Variants in WASHC2C observed in about 807,000 individuals in gnomAD.
WASHC2C encodes the protein Vaccinia Penetration Factor.
Under a neutral mutation model 142.2 loss-of-function variants are expected in WASHC2C, and 73 were observed. That is an observed-to-expected ratio of 0.51 (90% confidence interval 0.43 to 0.62). WASHC2C has a LOEUF of 0.62. WASHC2C is among the 20% of genes least tolerant of loss of function. WASHC2C has a pLI of 0.00. For synonymous variants in WASHC2C, 337 were observed against 565.5 expected (o/e 0.60, Z 5.73); for missense variants, 969 against 1,531.7 (o/e 0.63, Z 6.13).
At chr10:45,727,745 G>T (rs1412997218) in intron 2 of WASHC2C, among the ~76,000 whole-genome samples, 1 of 152,116 alleles carries the variant, frequency 6.6e-6, no homozygotes. Flanking sequence ...TGGCCCAGAC[G>T]CGACGTTCCC....
chr10:45,763,764 T>C (rs1299903685), intron 18 of WASHC2C, among the ~76,000 whole-genome samples: 1 of 150,750 alleles, frequency 6.6e-6, no homozygotes. Flanking sequence ...CAGGCTGGAG[T>C]GCAGTGATGC....
intron 20 of WASHC2C, among the ~76,000 whole-genome samples, chr10:45,771,173 T>G (rs2056544473): frequency 6.6e-6 from 1 of 151,886 alleles, no homozygotes; most frequent in Non-Finnish European, 1.5e-5. Context: ...AAGAACAGCC[T>G]GACCAACATG....
chr10:45,743,459 G>A lies in WASHC2C; in HGVS notation c.598G>A (p.Gly200Ser). Residue 200 changes from glycine to serine, a missense_variant, in exon 6 of 31, where the codon GGT (glycine) becomes AGT (serine). Physicochemically the swap from Gly to Ser is moderately conservative, Grantham distance 56 (BLOSUM62 0). Transcript: ENST00000623400. ...GCTGTTCATGGAACAAGAAGATGTA[G>A]GTCTTGGAGAGCTGTCCAGTGAAGG... is the stretch of plus-strand genomic sequence containing the variant. ...SKLFMEQEDVGLGELSSEEGS... is the reference protein window; with the variant it reads ...SKLFMEQEDVSLGELSSEEGS... The A allele has an allele frequency of 6.2e-7, 1 of 1,611,860 alleles. No homozygotes were observed. The highest frequency in any genetic ancestry group is 2.2e-5 in the East Asian group (1 of 44,852).
chr10:45,749,250 C>T (rs1589684643), intron 8 of WASHC2C, among the ~76,000 whole-genome samples: 1 of 151,966 alleles, frequency 6.6e-6, no homozygotes, highest in East Asian at 1.9e-4. Context: ...GCCTGCCCAA[C>T]ATGGTGAAAC....
At chr10:45,762,867 C>T (rs534221163) in intron 17 of WASHC2C, among the ~76,000 whole-genome samples, 50 of 152,294 alleles carry the variant, frequency 3.3e-4, no homozygotes, top group Middle Eastern at 6.8e-3. Flanking sequence ...GATTGCACCA[C>T]TGCACTGCAG....
intron 18 of WASHC2C, among the ~76,000 whole-genome samples, chr10:45,765,379 A>C (rs2055669998): frequency 6.6e-6 from 1 of 150,888 alleles, no homozygotes; most frequent in South Asian, 2.1e-4. Flanking sequence ...GCACTTGCCC[A>C]CAGGGTGACT....
chr10:45,771,620 C>A, intron 20 of WASHC2C: 1 of 956,894 alleles, frequency 1.0e-6, no homozygotes, highest in Non-Finnish European at 1.2e-6. Context: ...ACCTGGCTTT[C>A]AGGAATGCTT....
intron 3 of WASHC2C, among the ~76,000 whole-genome samples, chr10:45,734,168 T>C (rs1564695022): frequency 1.3e-5 from 2 of 152,200 alleles, no homozygotes; most frequent in East Asian, 1.9e-4. Context: ...GAGCTTGCAG[T>C]GAGCCGAGAT....
rs1554874091 is a variant in WASHC2C, at chr10:45,750,843, G to A, written c.931+5G>A. 1 of 1,547,726 alleles carries A rather than the reference G, an allele frequency of 6.5e-7. No homozygotes were observed. The highest frequency in any genetic ancestry group is 2.0e-5 in the Admixed American group (1 of 50,922). ...GAGTGGACGAGGAGCCGACAAGTGA[G>A]CCCCAGCCACGTTGATGGGGAGTAG... On this transcript the variant is annotated splice_donor_5th_base_variant and intron_variant, in intron 10 of 30. Transcript: ENST00000623400.
Position 45,785,774 on chromosome 10 carries a change from CT to C in WASHC2C, c.2811+145del, listed in dbSNP as rs1340262362. 401 of 1,470,404 alleles carry C rather than the reference CT, an allele frequency of 2.7e-4. 1 individual carries two copies. The African/African-American group carries it at 5.0e-3, about 18-fold the overall frequency. 91.1% of individuals were successfully genotyped at this position (1,470,404 alleles called of 1,614,324 possible). A position where few individuals can be genotyped will look rare whatever the true frequency, so the allele number is the denominator to read the frequency against. On this transcript the variant is annotated intron_variant, in intron 26 of 30. Transcript: ENST00000623400. ...GGGCTACAGCTTTGTCTTCACTGCACTTCCCCCGAGTCATCTCCCCTCTCCT... is the reference window on the plus strand; with the variant it reads ...GGGCTACAGCTTTGTCTTCACTGCACTCCCCCGAGTCATCTCCCCTCTCCT...
chr10:45,733,237 T>C (rs1187647036), intron 3 of WASHC2C, among the ~76,000 whole-genome samples: 1 of 152,254 alleles, frequency 6.6e-6, no homozygotes, highest in Non-Finnish European at 1.5e-5. Context: ...ATTTGATGAG[T>C]TGGACCCTCC....
chr10:45,765,581 C>G, intron 18 of WASHC2C, 98 bp from the exon 19 acceptor site: 1 of 1,541,510 alleles, frequency 6.5e-7, no homozygotes, highest in South Asian at 1.2e-5. Context: ...ATTTGTATAC[C>G]TGACTGGAGA....
chr10:45,732,601 A>G (rs1158456641), intron 3 of WASHC2C, among the ~76,000 whole-genome samples: 12 of 152,180 alleles, frequency 7.9e-5, no homozygotes, highest in Non-Finnish European at 1.8e-4. Context: ...TTAAAAAAAA[A>G]ATTCCAGAAT....
intron 20 of WASHC2C, among the ~76,000 whole-genome samples, chr10:45,772,347 TAAAG>T (rs1468288589): frequency 6.6e-6 from 1 of 152,006 alleles, no homozygotes; most frequent in Non-Finnish European, 1.5e-5. Flanking sequence ...ATGAGTATAT[TAAAG>T]AAAACATTGA....
At chr10:45,779,740 A>T (rs2057352733) in intron 23 of WASHC2C, among the ~76,000 whole-genome samples, 1 of 152,148 alleles carries the variant, frequency 6.6e-6, no homozygotes, top group African/African-American at 2.4e-5. Context: ...TAATCCCAGC[A>T]CTTTAGGAGG....
At chr10:45,769,332 A>G in intron 19 of WASHC2C, 117 bp from the exon 20 acceptor site, 1 of 1,438,860 alleles carries the variant, frequency 6.9e-7, no homozygotes, top group African/African-American at 1.4e-5. Flanking sequence ...GTTAGCAAGG[A>G]TGGTCTTGAT....
intron 11 of WASHC2C, among the ~76,000 whole-genome samples, chr10:45,752,051 G>A (rs1554874922): frequency 6.6e-6 from 1 of 152,204 alleles, no homozygotes; most frequent in Non-Finnish European, 1.5e-5. Context: ...AAAAATTCCT[G>A]TAGAGATTTG....
At chr10:45,727,791 G>T (rs541710509) in intron 2 of WASHC2C, among the ~76,000 whole-genome samples, 1 of 152,206 alleles carries the variant, frequency 6.6e-6, no homozygotes, top group South Asian at 2.1e-4. Context: ...ATCCGGAGGG[G>T]AGATCCGTTT....
chr10:45,784,261 T>TATATATATATATATACAC, intron 23 of WASHC2C, among the ~76,000 whole-genome samples: 1 of 5,144 alleles, frequency 1.9e-4, no homozygotes, highest in Non-Finnish European at 5.5e-4. Flanking sequence ...TGTATATATA[T>TATATATATATATATACAC]ATATATATAT....
Sources: allele counts gnomAD v4.1 joint callset (sites outside exome capture counted in the v4.1 genomes callset), GRCh38; gene constraint gnomAD v4.1.1; transcripts MANE v1.5; gene names NCBI Gene and HGNC (gene_info 2026-07-23, HGNC 2026-07-21).